Variants in GRID1 observed in about 807,000 individuals in gnomAD.
The protein encoded by GRID1 is glutamate receptor ionotropic, delta-1.
In GRID1, 28 loss-of-function variants were observed where a neutral mutation model predicts 98.0. The ratio of observed to expected loss-of-function variants is 0.29; its 90% CI spans 0.21 to 0.39. GRID1 has a LOEUF of 0.39. Ranked by LOEUF, GRID1 falls within the 10% of genes least tolerant of loss-of-function variation. The pLI is 1.00. For synonymous variants in GRID1, 553 were observed against 538.5 expected (o/e 1.03, Z -0.37); for missense variants, 1,111 against 1,340.5 (o/e 0.83, Z 2.67).
intron 4 of GRID1, among the ~76,000 whole-genome samples, chr10:86,069,413 C>T (rs1248775785): frequency 2.6e-5 from 4 of 152,158 alleles, no homozygotes; most frequent in Admixed American, 1.3e-4. Context: ...CTTTGGGAGG[C>T]CGAGGCGGGC....
intron 13 of GRID1, among the ~76,000 whole-genome samples, chr10:85,636,312 C>T (rs1048728757): frequency 1.3e-5 from 2 of 151,974 alleles, no homozygotes; most frequent in African/African-American, 4.8e-5. Context: ...TACATATTAA[C>T]TGAGTTCAGC....
intron 12 of GRID1, among the ~76,000 whole-genome samples, chr10:85,715,955 G>A (rs1401931636): frequency 2.0e-5 from 3 of 151,816 alleles, no homozygotes; most frequent in African/African-American, 7.3e-5. Flanking sequence ...TGCCCAGGCT[G>A]GAGTGCAGTG....
intron 2 of GRID1, among the ~76,000 whole-genome samples, chr10:86,341,418 A>G (rs2132110103): frequency 1.3e-5 from 2 of 152,174 alleles, no homozygotes; most frequent in South Asian, 4.2e-4. Flanking sequence ...CCCCTCCCTC[A>G]CACGTTTCCA....
At chr10:86,069,571 C>T (rs1287832319) in intron 4 of GRID1, among the ~76,000 whole-genome samples, 4 of 152,052 alleles carry the variant, frequency 2.6e-5, no homozygotes, top group African/African-American at 9.7e-5. Context: ...TGGCGTGAAC[C>T]CGGGAGGCGG....
chr10:86,185,159 T>G (rs534824692), intron 3 of GRID1, among the ~76,000 whole-genome samples: 2 of 152,162 alleles, frequency 1.3e-5, no homozygotes, highest in Non-Finnish European at 2.9e-5. Context: ...TCAATTTTTC[T>G]CAGCAGTGTT....
chr10:86,351,362 T>C (rs1848459856), intron 2 of GRID1, among the ~76,000 whole-genome samples: 1 of 152,222 alleles, frequency 6.6e-6, no homozygotes, highest in Non-Finnish European at 1.5e-5. Flanking sequence ...GGAGCTGGTC[T>C]GTGACCCAGG....
chr10:86,350,676 T>C (rs1480554250), intron 2 of GRID1, among the ~76,000 whole-genome samples: 1 of 152,178 alleles, frequency 6.6e-6, no homozygotes, highest in Non-Finnish European at 1.5e-5. Flanking sequence ...TGTTTAGTAA[T>C]TGTACATATT....
chr10:86,188,908 C>T (rs1845763285), intron 3 of GRID1, among the ~76,000 whole-genome samples: 1 of 152,158 alleles, frequency 6.6e-6, no homozygotes, highest in South Asian at 2.1e-4. Context: ...GGAATTCTAA[C>T]CACAAGGAGC....
intron 2 of GRID1, among the ~76,000 whole-genome samples, chr10:86,277,837 A>G (rs1251956552): frequency 3.3e-5 from 5 of 152,206 alleles, no homozygotes; most frequent in Non-Finnish European, 4.4e-5. Context: ...GTAAAATGGT[A>G]CAAGTAAGTA....
chr10:86,056,911 C>T (rs567481846), intron 4 of GRID1, among the ~76,000 whole-genome samples: 2 of 152,230 alleles, frequency 1.3e-5, no homozygotes, highest in African/African-American at 4.8e-5. Flanking sequence ...TGAGATGCCA[C>T]GAAGCATCAG....
chr10:86,069,707 C>T (rs992820072), intron 4 of GRID1, among the ~76,000 whole-genome samples: 3 of 152,194 alleles, frequency 2.0e-5, no homozygotes, highest in African/African-American at 7.2e-5. Context: ...GGCCAAGAAG[C>T]TTCATCAGTA....
intron 2 of GRID1, among the ~76,000 whole-genome samples, chr10:86,360,862 T>A (rs1589462816): frequency 6.6e-6 from 1 of 152,022 alleles, no homozygotes; most frequent in East Asian, 1.9e-4. Flanking sequence ...CTCTTTAAGC[T>A]CCACCAGGCT....
intron 2 of GRID1, among the ~76,000 whole-genome samples, chr10:86,331,257 A>C (rs1455793537): frequency 6.6e-6 from 1 of 151,924 alleles, no homozygotes; most frequent in Non-Finnish European, 1.5e-5. Flanking sequence ...CTAGGTTCTC[A>C]CTGGGCATTC....
chr10:86,251,619 G>A (rs1209601173), intron 2 of GRID1, among the ~76,000 whole-genome samples: 1 of 152,052 alleles, frequency 6.6e-6, no homozygotes, highest in Non-Finnish European at 1.5e-5. Context: ...ATCAGGGCTG[G>A]GCACTGACCC....
chr10:86,328,008 A>AG lies in GRID1; in HGVS notation c.235+35932dup, dbSNP rs5786736. Among the ~76,000 whole-genome samples the AG allele has an allele frequency of 5.3e-5, 8 of 152,046 alleles. No homozygotes were observed. The South Asian group carries it at 1.7e-3, about 32-fold the overall frequency. On this transcript the variant is annotated intron_variant, in intron 2 of 15. Coordinates refer to ENST00000327946, the MANE Select transcript of GRID1 (RefSeq NM_017551.3). ...TTAAAAACAACCTAACTATCTATTA[A>AG]GGGGGGGTATCTGTTAAATATGTAT...
At chr10:85,695,340 C>A (rs1841381405) in intron 12 of GRID1, among the ~76,000 whole-genome samples, 1 of 152,130 alleles carries the variant, frequency 6.6e-6, no homozygotes, top group Non-Finnish European at 1.5e-5. Context: ...GGGTATGCAC[C>A]CATCATGGGA....
At chr10:86,092,150 GA>G (rs1463992868) in intron 4 of GRID1, among the ~76,000 whole-genome samples, 1 of 152,174 alleles carries the variant, frequency 6.6e-6, no homozygotes, top group Non-Finnish European at 1.5e-5. Context: ...AGATTTACCT[GA>G]AAAAGAATTC....
chr10:85,871,714 C>G (rs187750535), intron 5 of GRID1, among the ~76,000 whole-genome samples: 4 of 152,224 alleles, frequency 2.6e-5, no homozygotes, highest in Admixed American at 2.0e-4. Flanking sequence ...AGATGGTAAA[C>G]AATGTATTTC....
At chr10:85,842,777 C>A (rs570649540) in intron 8 of GRID1, among the ~76,000 whole-genome samples, 1 of 152,048 alleles carries the variant, frequency 6.6e-6, no homozygotes, top group South Asian at 2.1e-4. Context: ...AAGAAATCCC[C>A]AGACTATAAT....
Sources: gnomAD v4.1 joint callset for allele counts (sites outside exome capture counted in the v4.1 genomes callset) on GRCh38, gnomAD v4.1.1 for gene constraint, MANE v1.5 for transcripts, NCBI Gene and HGNC (gene_info 2026-07-23, HGNC 2026-07-21) for gene names.